MINK1: variants seen among roughly 807,000 people sequenced by gnomAD.
MINK1 encodes misshapen-like kinase 1.
MINK1 carries 46 observed loss-of-function variants against 178.4 expected under a neutral mutation model. The ratio of observed to expected loss-of-function variants is 0.26; its 90% CI spans 0.20 to 0.33. The LOEUF is 0.33. Among genes scored for constraint, MINK1 ranks in the 10% least tolerant of loss-of-function variants. MINK1 has a pLI of 1.00. For synonymous variants in MINK1, 797 were observed against 709.7 expected (o/e 1.12, Z -1.96); for missense variants, 1,366 against 1,814.9 (o/e 0.75, Z 4.49).
At chr17:4,892,870 A>G (rs1027297585) in intron 19 of MINK1, 102 bp downstream of exon 19, 11 of 1,379,504 alleles carry the variant, frequency 8.0e-6, no homozygotes, top group Non-Finnish European at 1.1e-5. Flanking sequence ...ACGGACAGGG[A>G]GGACCTGTGT....
At chr17:4,863,081 G>GAAAAGAAAAGAGAAAAGA (rs1914424107) in intron 1 of MINK1, among the ~76,000 whole-genome samples, 1 of 152,120 alleles carries the variant, frequency 6.6e-6, no homozygotes, top group African/African-American at 2.4e-5. Context: ...CATGCCAAGG[G>GAAAAGAAAAGAGAAAAGA]AAAAGAAAAG....
intron 12 of MINK1, 71 bp from the exon 13 acceptor site, chr17:4,889,576 C>T: frequency 7.6e-7 from 1 of 1,313,772 alleles, no homozygotes; most frequent in African/African-American, 1.5e-5. Context: ...GGCTCCCCTC[C>T]CTGTCCATGG....
chr17:4,835,471 A>G (rs966477595), intron 1 of MINK1, among the ~76,000 whole-genome samples: 7 of 152,126 alleles, frequency 4.6e-5, no homozygotes, highest in Non-Finnish European at 5.9e-5. Flanking sequence ...TACTAAAAAT[A>G]CAAAAATTAG....
chr17:4,834,290 A>G (rs1313085019), intron 1 of MINK1, among the ~76,000 whole-genome samples: 1 of 152,024 alleles, frequency 6.6e-6, no homozygotes, highest in African/African-American at 2.4e-5. Context: ...TACATGACCA[A>G]CTCTGCAGCA....
At chr17:4,860,018 G>C (rs1196846611) in intron 1 of MINK1, among the ~76,000 whole-genome samples, 1 of 151,066 alleles carries the variant, frequency 6.6e-6, no homozygotes, top group Non-Finnish European at 1.5e-5. Flanking sequence ...GAAGGGGCGC[G>C]TCCGGGAACT....
chr17:4,868,163 G>A (rs911313416), intron 1 of MINK1, among the ~76,000 whole-genome samples: 1 of 152,006 alleles, frequency 6.6e-6, no homozygotes, highest in African/African-American at 2.4e-5. Context: ...TTTTAGTAGA[G>A]ATGGGGTTTC....
intron 1 of MINK1, among the ~76,000 whole-genome samples, chr17:4,867,074 A>AAAT (rs56934978): frequency 0.058 from 7,005 of 119,888 alleles, 304 homozygotes; most frequent in East Asian, 0.13. Flanking sequence ...ACTCGTCTCA[A>AAAT]AATAATAATA....
rs1396835943 is a variant in MINK1, at chr17:4,886,082, G to A, written c.695-38G>A. 1.9e-6 allele frequency: 3 copies of A among 1,611,670 alleles called. No homozygotes were observed. The highest frequency in any genetic ancestry group is 2.5e-6 in the Non-Finnish European group (3 of 1,177,824). On this transcript the variant is annotated intron_variant, in intron 8 of 31. Transcript: ENST00000355280. This position sits in a 1 kb window ranked among gnomAD's most constrained non-coding sequence, Gnocchi z 6.1. ...GAGGAAGGGTCCTGTAGCTCCCAGT[G>A]CAGTGAAAGGGACTGAGGGTGTCTC...
At position 4,885,913 on chromosome 17, in the gene MINK1, T is replaced by C. The variant is rs1311127365; in HGVS notation, c.642T>C (p.Ser214=). ...TGTTCCTTCTTTCCCGTCTATAGAG[T>C]GATATTTGGTCTCTAGGAATCACAG... ...ENPDATYDYR[S]DIWSLGITAI... is the part of the protein sequence containing the mutation. The change falls in exon 8 of 32, where the codon AGT becomes AGC. Residue 214 remains serine (S), a splice_region_variant and synonymous_variant. Transcript: ENST00000355280. This position sits in a 1 kb window ranked among gnomAD's most constrained non-coding sequence, Gnocchi z 5.0. 1 of 1,612,702 alleles carries C rather than the reference T, an allele frequency of 6.2e-7. No homozygotes were observed. Among genetic ancestry groups the C allele is most frequent in the African/African-American group, 1.3e-5 (1 of 74,506 alleles).
rs1167869641 is a variant in MINK1, at chr17:4,885,356, GCTGGGGTGT to G, written c.509-121_509-113del. On this transcript the variant is annotated intron_variant, in intron 6 of 31. Coordinates refer to ENST00000355280, the MANE Select transcript of MINK1 (RefSeq NM_153827.5). This position sits in a 1 kb window ranked among gnomAD's most constrained non-coding sequence, Gnocchi z 5.0. ...GGATGGTGGTGGGGTAAAGGAGGGT[GCTGGGGTGT>G]CTGGGTCGGGCCAGGACCACAGCTG... 21 of 1,253,174 alleles carry G rather than the reference GCTGGGGTGT, an allele frequency of 1.7e-5. No homozygotes were observed. The highest frequency in any genetic ancestry group is 2.1e-5 in the Non-Finnish European group (19 of 888,190). The allele number at this position is 1,253,174 out of a possible 1,614,324, so 77.6% of individuals were successfully genotyped here.
intron 1 of MINK1, among the ~76,000 whole-genome samples, chr17:4,860,231 C>G (rs1386862880): frequency 1.3e-5 from 2 of 152,220 alleles, no homozygotes; most frequent in Non-Finnish European, 2.9e-5. Context: ...GTGCTTGCCT[C>G]CTTCTGCTCA....
chr17:4,893,862 G>A (rs961565801), intron 21 of MINK1, 126 bp from the exon 22 acceptor site: 16 of 890,636 alleles, frequency 1.8e-5, no homozygotes, highest in East Asian at 8.1e-5. Context: ...GGGCTACACC[G>A]TGAGGGTGGA....
chr17:4,859,983 C>T (rs1913885266), intron 1 of MINK1, among the ~76,000 whole-genome samples: 1 of 152,088 alleles, frequency 6.6e-6, no homozygotes, highest in African/African-American at 2.4e-5. Context: ...GAACTACTTG[C>T]CGCATGCGGA....
chr17:4,847,558 A>G (rs1459441085), intron 1 of MINK1, among the ~76,000 whole-genome samples: 1 of 152,208 alleles, frequency 6.6e-6, no homozygotes, highest in African/African-American at 2.4e-5. Context: ...AGTGCCTACT[A>G]TGAGACAGAG....
At chr17:4,897,153 G>C in intron 31 of MINK1, 51 bp from the exon 32 acceptor site, 2 of 1,511,448 alleles carry the variant, frequency 1.3e-6, no homozygotes, top group Non-Finnish European at 1.8e-6. Flanking sequence ...TCCCAGTTGA[G>C]ACACCCCCCC....
In MINK1 at chr17:4,897,187, T is replaced by C. The variant is rs746780945; in HGVS notation, c.3916-17T>C. On this transcript the variant is annotated splice_polypyrimidine_tract_variant and intron_variant, in intron 31 of 31. Coordinates refer to ENST00000355280, the MANE Select transcript of MINK1 (RefSeq NM_153827.5). ...CCAACCTCAGCCCTTGGTGACTTCT[T>C]CTCCTGCCCCACCCAGGTGTTTTTT... The C allele has an allele frequency of 1.2e-6, 2 of 1,611,266 alleles. No homozygotes were observed. The highest frequency in any genetic ancestry group is 3.4e-5 in the Admixed American group (2 of 59,674).
intron 2 of MINK1, among the ~76,000 whole-genome samples, chr17:4,880,518 C>T (rs1361523687): frequency 6.7e-6 from 1 of 149,798 alleles, no homozygotes; most frequent in Non-Finnish European, 1.5e-5. Flanking sequence ...AACTCCTGGT[C>T]TCAAGTGATC....
Position 4,891,008 on chromosome 17 carries a change from C to T in MINK1, c.1624C>T (p.Pro542Ser), listed in dbSNP as rs1429941371. The change falls in exon 15 of 32, where the codon CCA becomes TCA. Residue 542 changes from proline to serine, a missense_variant. Pro to Ser is a moderately conservative substitution (Grantham distance 74). Coordinates refer to ENST00000355280, the MANE Select transcript of MINK1 (RefSeq NM_153827.5). The part of the protein sequence containing the change: ...QQNSPLAKSK[P>S]GSTGPEPPIP... ...GAACTCTCCCTTGGCCAAGAGCAAG[C>T]CAGGCAGCACGGGGCCTGAGCCCCC... The T allele has an allele frequency of 6.4e-7, 1 of 1,560,200 alleles. No individual in the cohort carries two copies. The highest frequency in any genetic ancestry group is 8.7e-7 in the Non-Finnish European group (1 of 1,152,160).
In MINK1 at chr17:4,896,405, T is replaced by G; in HGVS notation, c.3616-24T>G. On this transcript the variant is annotated intron_variant, in intron 29 of 31. Transcript: ENST00000355280. This position sits in a 1 kb window ranked among gnomAD's most constrained non-coding sequence, Gnocchi z 4.6. ...CAGTCTGGGCACCAGACACGGAGAC[T>G]CTAGTCCCCCTCCTTCTCCCCAGAT... The G allele has an allele frequency of 1.2e-6, 2 of 1,612,592 alleles. No homozygotes were observed. The highest frequency in any genetic ancestry group is 2.2e-5 in the South Asian group (2 of 90,848).
Sources: allele counts gnomAD v4.1 joint callset (sites outside exome capture counted in the v4.1 genomes callset), GRCh38; gene constraint gnomAD v4.1.1; non-coding constraint Gnocchi (gnomAD v3.1); transcripts MANE v1.5; gene names NCBI Gene and HGNC (gene_info 2026-07-23, HGNC 2026-07-21).